VWA1: variants seen among roughly 807,000 people sequenced by gnomAD.
VWA1 encodes the protein von Willebrand factor A domain-containing protein 1.
VWA1 carries 12 observed loss-of-function variants against 14.9 expected under a neutral mutation model. That is an observed-to-expected ratio of 0.80 (90% CI 0.52 to 1.30). The LOEUF (loss-of-function observed/expected upper bound fraction) is 1.30. Ranked by LOEUF, VWA1 falls within the 50% of genes most tolerant of loss-of-function variation. VWA1 has a pLI of 0.00. For synonymous variants in VWA1, 368 were observed against 310.7 expected (o/e 1.18, Z -1.94); for missense variants, 800 against 649.1 (o/e 1.23, Z -2.53).
intron 2 of VWA1, 105 bp downstream of exon 2, chr1:1,437,589 G>C (rs1040587899): frequency 7.2e-7 from 1 of 1,384,986 alleles, no homozygotes; most frequent in Admixed American, 2.4e-5. Flanking sequence ...GCAGCGGCCA[G>C]GGCCTCCGGG....
At chr1:1,435,884 C>G in intron 1 of VWA1, 63 bp downstream of exon 1, 1 of 915,258 alleles carries the variant, frequency 1.1e-6, no homozygotes, top group Non-Finnish European at 1.3e-6. Context: ...CGCCGCTGCC[C>G]GCGCAAGGCC....
chr1:1,437,992 C>T (rs1369793823), intron 2 of VWA1, among the ~76,000 whole-genome samples: 9 of 152,174 alleles, frequency 5.9e-5, no homozygotes, highest in Non-Finnish European at 1.2e-4. Context: ...CCTGAGAGGC[C>T]GGACCAGGGA....
intron 2 of VWA1, among the ~76,000 whole-genome samples, chr1:1,438,488 G>A (rs770239320): frequency 6.6e-6 from 1 of 152,304 alleles, no homozygotes; most frequent in African/African-American, 2.4e-5. Flanking sequence ...CTTTAACCCA[G>A]CGCAGACATT....
At chr1:1,438,895 CA>C (rs1317717060) in intron 2 of VWA1, among the ~76,000 whole-genome samples, 185 bp from the exon 3 acceptor site, 3 of 152,210 alleles carry the variant, frequency 2.0e-5, no homozygotes, top group Non-Finnish European at 2.9e-5. Flanking sequence ...CGTCCTCCCC[CA>C]GCCAAGGCAC....
chr1:1,436,256 T>C (rs1570120493), intron 1 of VWA1, among the ~76,000 whole-genome samples: 1 of 151,126 alleles, frequency 6.6e-6, no homozygotes, highest in Admixed American at 6.6e-5. Context: ...GGAGGGGCGG[T>C]GTAGGGGGCA....
chr1:1,436,052 C>T (rs1208640952), intron 1 of VWA1, among the ~76,000 whole-genome samples: 1 of 151,418 alleles, frequency 6.6e-6, no homozygotes, highest in Non-Finnish European at 1.5e-5. Flanking sequence ...TCCCGGCCCG[C>T]ATCTCTGCGG....
chr1:1,441,789 C>T lies in VWA1; in HGVS notation c.*2002C>T, dbSNP rs562595714. ...GGCAGCGGGGCACCAGGGGCTCATTCCTGGTGGCCTCAGTGGCTTCTGTGG... is the reference window on the plus strand; with the variant it reads ...GGCAGCGGGGCACCAGGGGCTCATTTCTGGTGGCCTCAGTGGCTTCTGTGG... On this transcript the variant is annotated 3_prime_UTR_variant, in exon 3 of 3. Transcript: ENST00000476993. 1.0e-4 allele frequency: 16 copies of T among 152,416 alleles called. No homozygotes were observed. Among genetic ancestry groups the T allele is most frequent in the Admixed American group, 9.1e-4 (14 of 15,310 alleles). 9.4% of individuals were successfully genotyped at this position (152,416 alleles called of 1,614,324 possible).
At position 1,439,469 on chromosome 1, in the gene VWA1, C is replaced by T; in HGVS notation, c.1020C>T (p.Ile340=). Residue 340 remains isoleucine, a synonymous_variant, in exon 3 of 3, where the codon ATC becomes ATT. Coordinates refer to ENST00000476993, the MANE Select transcript of VWA1 (RefSeq NM_022834.5). ...PEEAGPERIV[I]SHARPRSLRV... ...AGGCCGGGCCAGAGCGCATCGTCATCTCCCACGCCCGGCCGCGCAGCCTCC... is the reference window on the plus strand; with the variant it reads ...AGGCCGGGCCAGAGCGCATCGTCATTTCCCACGCCCGGCCGCGCAGCCTCC... 7.0e-7 allele frequency: 1 copy of T among 1,422,474 alleles called. No homozygotes were observed. Among genetic ancestry groups the T allele is most frequent in the Non-Finnish European group, 9.1e-7 (1 of 1,095,880 alleles). 88.1% of individuals were successfully genotyped at this position (1,422,474 alleles called of 1,614,324 possible).
chr1:1,438,649 G>T (rs1198150841), intron 2 of VWA1, among the ~76,000 whole-genome samples: 1 of 152,128 alleles, frequency 6.6e-6, no homozygotes, highest in Non-Finnish European at 1.5e-5. Context: ...TGCCCCTGTG[G>T]TCTCCCATCT....
intron 1 of VWA1, chr1:1,436,698 G>A: frequency 1.9e-6 from 1 of 514,704 alleles, no homozygotes; most frequent in African/African-American, 1.9e-5. Context: ...CCCTCTCACA[G>A]ATGGGATAAC....
At position 1,439,427 on chromosome 1, in the gene VWA1, C is replaced by T. The variant is rs747872234; in HGVS notation, c.978C>T (p.Ala326=). The T allele has an allele frequency of 5.7e-6, 8 of 1,406,798 alleles. No homozygotes were observed. Among genetic ancestry groups the T allele is most frequent in the South Asian group, 1.5e-5 (1 of 65,066 alleles). The allele number at this position is 1,406,798 out of a possible 1,614,324, so 87.1% of individuals were successfully genotyped here. A position where few individuals can be genotyped will look rare whatever the true frequency, so the allele number is the denominator to read the frequency against. The part of the protein sequence containing the change: ...GAGPAPTQLA[A]LPAPEEAGPE... ...GGCCGGCCCCCACGCAGCTCGCCGC[C>T]CTCCCCGCCCCAGAGGAGGCCGGGC... The change falls in exon 3 of 3, where the codon GCC becomes GCT. Residue 326 remains alanine (A), a synonymous_variant. Transcript: ENST00000476993.
At chr1:1,436,287 G>GC (rs1473521138) in intron 1 of VWA1, among the ~76,000 whole-genome samples, 1 of 152,170 alleles carries the variant, frequency 6.6e-6, no homozygotes, top group Non-Finnish European at 1.5e-5. Context: ...CCCCGGAGGT[G>GC]CCCGGAGGAA....
At position 1,441,131 on chromosome 1, in the gene VWA1, T is replaced by G. The variant is rs1008224352; in HGVS notation, c.*1344T>G. ...GGGGTCCACTGCCCCTTTCCCCACG[T>G]GGACTCTGCGTGACCCCAGGAACTG... is the stretch of plus-strand genomic sequence containing the variant. On this transcript the variant is annotated 3_prime_UTR_variant, in exon 3 of 3. Coordinates refer to ENST00000476993, the MANE Select transcript of VWA1 (RefSeq NM_022834.5). The G allele has an allele frequency of 6.6e-6, 1 of 152,252 alleles. No individual in the cohort carries two copies. Among genetic ancestry groups the G allele is most frequent in the African/African-American group, 2.4e-5 (1 of 41,438 alleles). 9.4% of individuals were successfully genotyped at this position (152,252 alleles called of 1,614,324 possible).
Position 1,435,748 on chromosome 1 carries a change from G to A in VWA1, c.-1G>A. 1.7e-6 allele frequency: 2 copies of A among 1,210,874 alleles called. No individual in the cohort carries two copies. Among genetic ancestry groups the A allele is most frequent in the Middle Eastern group, 2.7e-4 (1 of 3,660 alleles). 75.0% of individuals were successfully genotyped at this position (1,210,874 alleles called of 1,614,324 possible). A position where few individuals can be genotyped will look rare whatever the true frequency, so the allele number is the denominator to read the frequency against. ...CGAGCGCGCCCCGTCCCTCGCGCGC[G>A]ATGCTCCCCTGGACGGCGCTCGGCC... is the stretch of plus-strand genomic sequence containing the variant. On this transcript the variant is annotated 5_prime_UTR_variant, in exon 1 of 3. Coordinates refer to ENST00000476993, the MANE Select transcript of VWA1 (RefSeq NM_022834.5).
chr1:1,439,706 C>T lies in VWA1; in HGVS notation c.1257C>T (p.Ala419=). The T allele has an allele frequency of 8.3e-7, 1 of 1,197,754 alleles. No homozygotes were observed. Among genetic ancestry groups the T allele is most frequent in the South Asian group, 2.1e-5 (1 of 46,632 alleles). 74.2% of individuals were successfully genotyped at this position (1,197,754 alleles called of 1,614,324 possible). A position where few individuals can be genotyped will look rare whatever the true frequency, so the allele number is the denominator to read the frequency against. The stretch of plus-strand genomic sequence containing the variant: ...GCGAGAGCGCGCTGTCCGCCAAGGC[C>T]TGCACGCCCGACGGCCCGCGCCCGC... ...SGRESALSAK[A]CTPDGPRPRP... The change falls in exon 3 of 3, where the codon GCC becomes GCT. Residue 419 remains alanine, a synonymous_variant. Transcript: ENST00000476993.
chr1:1,437,363 C>A lies in VWA1; in HGVS notation c.510C>A (p.Thr170=), dbSNP rs144951633. ...GCGTCACCGTGTTCATTGTCAGCAC[C>A]GGCCGAGGCAACTTCCTGGAGCTGT... ...DLGVTVFIVS[T]GRGNFLELSA... is the part of the protein sequence containing the mutation. The change falls in exon 2 of 3, where the codon ACC becomes ACA. Residue 170 remains threonine (T), a synonymous_variant. Coordinates refer to ENST00000476993, the MANE Select transcript of VWA1 (RefSeq NM_022834.5). 7 of 1,612,610 alleles carry A rather than the reference C, an allele frequency of 4.3e-6. No individual in the cohort carries two copies. The highest frequency in any genetic ancestry group is 5.9e-6 in the Non-Finnish European group (7 of 1,179,986).
rs1295977854 is a variant in VWA1, at chr1:1,439,492, TC to T, written c.1045del (p.Arg349AlafsTer2). ...ATCTCCCACGCCCGGCCGCGCAGCC[TC>T]CGCGTGAGTTGGGCCCCAGCGCTGG... ...IVISHARPRS[L>X]RVSWAPALGS... On this transcript the variant is annotated frameshift_variant, in exon 3 of 3. Coordinates refer to ENST00000476993, the MANE Select transcript of VWA1 (RefSeq NM_022834.5). LOFTEE classifies it low-confidence loss of function (END_TRUNC). 2 of 1,415,204 alleles carry T rather than the reference TC, an allele frequency of 1.4e-6. No individual in the cohort carries two copies. Among genetic ancestry groups the T allele is most frequent in the African/African-American group, 3.1e-5 (2 of 65,060 alleles). The allele number at this position is 1,415,204 out of a possible 1,614,324, so 87.7% of individuals were successfully genotyped here.
At position 1,439,432 on chromosome 1, in the gene VWA1, C is replaced by G; in HGVS notation, c.983C>G (p.Pro328Arg). The G allele has an allele frequency of 7.1e-7, 1 of 1,408,540 alleles. No individual in the cohort carries two copies. Among genetic ancestry groups the G allele is most frequent in the Non-Finnish European group, 9.1e-7 (1 of 1,094,062 alleles). 87.3% of individuals were successfully genotyped at this position (1,408,540 alleles called of 1,614,324 possible). The change falls in exon 3 of 3, where the codon CCC (proline) becomes CGC (arginine). Residue 328 changes from proline (P) to arginine (R), a missense_variant. Physicochemically the swap from Pro to Arg is moderately radical, Grantham distance 103. Transcript: ENST00000476993. ...GCCCCCACGCAGCTCGCCGCCCTCC[C>G]CGCCCCAGAGGAGGCCGGGCCAGAG... The part of the protein sequence containing the change: ...GPAPTQLAAL[P>R]APEEAGPERI...
In VWA1 at chr1:1,437,293, C is replaced by G; in HGVS notation, c.440C>G (p.Ser147Cys). The change falls in exon 2 of 3, where the codon TCC becomes TGC. Residue 147 changes from serine to cysteine, a missense_variant. Coordinates refer to ENST00000476993, the MANE Select transcript of VWA1 (RefSeq NM_022834.5). Reference sequence around the variant, plus strand: ...CTGGTGTGGGTGACAGATGGCGGCTCCAGCGACCCTGTGGGCCCCCCCATG... The same window carrying G: ...CTGGTGTGGGTGACAGATGGCGGCTGCAGCGACCCTGTGGGCCCCCCCATG... ...KVLVWVTDGGSSDPVGPPMQE... is the reference protein window; with the variant it reads ...KVLVWVTDGGCSDPVGPPMQE... 1 of 1,610,648 alleles carries G rather than the reference C, an allele frequency of 6.2e-7. No individual in the cohort carries two copies. The highest frequency in any genetic ancestry group is 1.3e-5 in the African/African-American group (1 of 75,026).
Sources: gnomAD v4.1 joint callset for allele counts (sites outside exome capture counted in the v4.1 genomes callset) on GRCh38, gnomAD v4.1.1 for gene constraint, MANE v1.5 for transcripts, NCBI Gene and HGNC (gene_info 2026-07-23, HGNC 2026-07-21) for gene names.